Variants in PARD6B observed in about 807,000 individuals in gnomAD.
The protein encoded by PARD6B is partitioning defective 6 homolog beta.
In PARD6B, 4 loss-of-function variants were observed where a neutral mutation model predicts 10.5. The ratio of observed to expected loss-of-function variants is 0.38; its 90% CI spans 0.19 to 0.87. PARD6B has a LOEUF of 0.87. PARD6B is among the 40% of genes least tolerant of loss of function. PARD6B has a pLI of 0.41. For synonymous variants in PARD6B, 169 were observed against 170.4 expected, an observed-to-expected ratio of 0.99 and a Z score of 0.07; for missense variants, 396 against 470.6, an observed-to-expected ratio of 0.84 and a Z score of 1.47.
At chr20:50,747,511 T>TTTC (rs1276617347) in intron 2 of PARD6B, among the ~76,000 whole-genome samples, 3 of 146,074 alleles carry the variant, frequency 2.1e-5, no homozygotes, top group Admixed American at 2.0e-4. Flanking sequence ...TTTTTTTTTT[T>TTTC]TGCCTAGCCA....
chr20:50,745,760 C>T (rs2087564484), intron 2 of PARD6B, among the ~76,000 whole-genome samples: 1 of 152,142 alleles, frequency 6.6e-6, no homozygotes, highest in African/African-American at 2.4e-5. Context: ...TCTCACCTCG[C>T]CCTTCCAAAG....
rs2087492555 is a variant in PARD6B at position 50,735,092 on chromosome 20, G to A, written c.67-2765G>A. Among the ~76,000 whole-genome samples, 3 of 152,150 alleles carry A rather than the reference G, an allele frequency of 2.0e-5. No homozygotes were observed. In the South Asian group the frequency reaches 6.2e-4, roughly 32 times the overall value. On this transcript the variant is annotated intron_variant, in intron 1 of 2. Transcript: ENST00000371610. The stretch of plus-strand genomic sequence containing the variant: ...TTGAACCTGGGAGGCGGAGGTTGCA[G>A]TGAGCCGAGATTGCGCCACTGCACT...
intron 2 of PARD6B, among the ~76,000 whole-genome samples, chr20:50,749,236 G>A (rs1179695603): frequency 6.6e-5 from 10 of 151,964 alleles, no homozygotes; most frequent in Non-Finnish European, 1.2e-4. Context: ...CCAGCTACTC[G>A]GGAGGGTGAG....
Position 50,750,986 on chromosome 20 carries a change from T to TTTTTTTTTTTTTTTTTTTTTTTA in PARD6B, c.*498_*499insTTTTTTTTTTTTTTTTTTTTTTA, listed in dbSNP as rs2087604686. On this transcript the variant is annotated 3_prime_UTR_variant, in exon 3 of 3. Coordinates refer to ENST00000371610, the MANE Select transcript of PARD6B (RefSeq NM_032521.3). ...TTTTTTTTTTTTTTTTTTTTTTTTT[T>TTTTTTTTTTTTTTTTTTTTTTTA]AGTGACTGGGTCTCACTCTGTTGCC... The TTTTTTTTTTTTTTTTTTTTTTTA allele has an allele frequency of 1.7e-6, 1 of 586,752 alleles. No individual in the cohort carries two copies. The highest frequency in any genetic ancestry group is 2.1e-6 in the Non-Finnish European group (1 of 483,112). 36.3% of individuals were successfully genotyped at this position (586,752 alleles called of 1,614,324 possible).
Position 50,751,561 on chromosome 20 carries a change from A to T in PARD6B, c.*1073A>T, listed in dbSNP as rs1399858134. The T allele has an allele frequency of 1.1e-6, 1 of 909,322 alleles. No homozygotes were observed. Among genetic ancestry groups the T allele is most frequent in the East Asian group, 1.2e-4 (1 of 8,270 alleles). 56.3% of individuals were successfully genotyped at this position (909,322 alleles called of 1,614,324 possible). A position where few individuals can be genotyped will look rare whatever the true frequency, so the allele number is the denominator to read the frequency against. On this transcript the variant is annotated 3_prime_UTR_variant, in exon 3 of 3. Transcript: ENST00000371610. ...CGGGGTTTCGCAGTGTTAGCCAGGA[A>T]GGTCTCAATCTCCTGACCTCCTGAT...
In PARD6B at chr20:50,751,859, G is replaced by T. The variant is rs768642474; in HGVS notation, c.*1371G>T. ...TAAGATTACAGGTGTGCGCCAACAC[G>T]TCTGGCTTATTTTTTTGTATTTTTA... On this transcript the variant is annotated 3_prime_UTR_variant, in exon 3 of 3. Transcript: ENST00000371610. The T allele has an allele frequency of 1.0e-4, 91 of 868,942 alleles. 2 individuals are homozygous for T. In the Middle Eastern group the frequency reaches 6.5e-3, roughly 62 times the overall value. The allele number at this position is 868,942 out of a possible 1,614,324, so 53.8% of individuals were successfully genotyped here. A position where few individuals can be genotyped will look rare whatever the true frequency, so the allele number is the denominator to read the frequency against.
chr20:50,750,028 G>A lies in PARD6B; in HGVS notation c.659G>A (p.Gly220Asp), dbSNP rs1470524185. The A allele has an allele frequency of 6.2e-7, 1 of 1,614,172 alleles. No individual in the cohort carries two copies. The highest frequency in any genetic ancestry group is 2.2e-5 in the East Asian group (1 of 44,892). The change falls in exon 3 of 3, where the codon GGC becomes GAC. Residue 220 changes from glycine to aspartate, a missense_variant. By Grantham distance (94) the Gly-to-Asp change is moderately conservative. Coordinates refer to ENST00000371610, the MANE Select transcript of PARD6B (RefSeq NM_032521.3). ...AATGATGAAGTTTTAGAAGTTAATGGCATAGAAGTTTCAGGGAAGAGCCTT... is the reference window on the plus strand; with the variant it reads ...AATGATGAAGTTTTAGAAGTTAATGACATAGAAGTTTCAGGGAAGAGCCTT... ...AVNDEVLEVNGIEVSGKSLDQ... is the reference protein window; with the variant it reads ...AVNDEVLEVNDIEVSGKSLDQ...
Position 50,750,242 on chromosome 20 carries a change from C to T in PARD6B, c.873C>T (p.Ser291=), listed in dbSNP as rs781637858. The change falls in exon 3 of 3, where the codon AGC becomes AGT. Residue 291 remains serine (S), a synonymous_variant. Transcript: ENST00000371610. Reference sequence around the variant, plus strand: ...GCTTTGAGCCAGAGGATGAAGACAGCGAAGAAGATGACATTATCATTGAAG... The same window carrying T: ...GCTTTGAGCCAGAGGATGAAGACAGTGAAGAAGATGACATTATCATTGAAG... The part of the protein sequence containing the change: ...EPSFEPEDED[S]EEDDIIIEDN... 9 of 1,613,994 alleles carry T rather than the reference C, an allele frequency of 5.6e-6. No homozygotes were observed. The highest frequency in any genetic ancestry group is 1.6e-4 in the Middle Eastern group (1 of 6,084).
chr20:50,740,251 A>G (rs2087524041), intron 2 of PARD6B, among the ~76,000 whole-genome samples: 1 of 152,206 alleles, frequency 6.6e-6, no homozygotes, highest in Non-Finnish European at 1.5e-5. Context: ...CTATATATAG[A>G]GTGCTGGAAA....
At chr20:50,734,864 TG>T (rs1377659661) in intron 1 of PARD6B, among the ~76,000 whole-genome samples, 1 of 152,120 alleles carries the variant, frequency 6.6e-6, no homozygotes, top group African/African-American at 2.4e-5. Context: ...TAAACAGTAA[TG>T]TTGGCCAGGC....
At chr20:50,744,401 A>G (rs2087552823) in intron 2 of PARD6B, among the ~76,000 whole-genome samples, 1 of 151,854 alleles carries the variant, frequency 6.6e-6, no homozygotes, top group South Asian at 2.1e-4. Flanking sequence ...AGTGTGACCC[A>G]CTGCACTGCG....
Position 50,750,435 on chromosome 20 carries a change from C to T in PARD6B, c.1066C>T (p.His356Tyr). The T allele has an allele frequency of 6.2e-7, 1 of 1,614,160 alleles. No individual in the cohort carries two copies. Among genetic ancestry groups the T allele is most frequent in the South Asian group, 1.1e-5 (1 of 91,078 alleles). ...ASSSNTEFET[H>Y]APDQKLLEED... ...CAGCTCAAACACGGAATTTGAAACA[C>T]ATGCTCCAGATCAAAAACTCTTAGA... Residue 356 changes from histidine (H) to tyrosine (Y), a missense_variant, in exon 3 of 3, where the codon CAT (histidine) becomes TAT (tyrosine). His to Tyr is a moderately conservative substitution (Grantham distance 83). Around this residue, in one of 2 missense-constraint regions of PARD6B, gnomAD observed 188 missense variants for 169.7 expected, o/e 1.11. Coordinates refer to ENST00000371610, the MANE Select transcript of PARD6B (RefSeq NM_032521.3).
chr20:50,751,386 C>G lies in PARD6B; in HGVS notation c.*898C>G, dbSNP rs1250135961. The stretch of plus-strand genomic sequence containing the variant: ...TTTTTTTTTTTTTGAGATGGAGTCT[C>G]GCTCTATCGCCCAGGCTGGAGTGCA... On this transcript the variant is annotated 3_prime_UTR_variant, in exon 3 of 3. Coordinates refer to ENST00000371610, the MANE Select transcript of PARD6B (RefSeq NM_032521.3). 4 of 853,034 alleles carry G rather than the reference C, an allele frequency of 4.7e-6. No homozygotes were observed. The highest frequency in any genetic ancestry group is 9.1e-5 in the Admixed American group (1 of 10,934). 52.8% of individuals were successfully genotyped at this position (853,034 alleles called of 1,614,324 possible). A position where few individuals can be genotyped will look rare whatever the true frequency, so the allele number is the denominator to read the frequency against.
At chr20:50,739,111 A>G (rs1430747702) in intron 2 of PARD6B, among the ~76,000 whole-genome samples, 1 of 151,898 alleles carries the variant, frequency 6.6e-6, no homozygotes, top group African/African-American at 2.4e-5. Context: ...TGGTATTGGG[A>G]TAAATTAAAG....
At position 50,751,238 on chromosome 20, in the gene PARD6B, A is replaced by G. The variant is rs957274538; in HGVS notation, c.*750A>G. 9.3e-6 allele frequency: 9 copies of G among 965,946 alleles called. No individual in the cohort carries two copies. The highest frequency in any genetic ancestry group is 8.6e-6 in the Non-Finnish European group (7 of 813,504). The allele number at this position is 965,946 out of a possible 1,614,324, so 59.8% of individuals were successfully genotyped here. On this transcript the variant is annotated 3_prime_UTR_variant, in exon 3 of 3. Coordinates refer to ENST00000371610, the MANE Select transcript of PARD6B (RefSeq NM_032521.3). Reference sequence around the variant, plus strand: ...TGCCTCGGCTTCCCAAAATGCTAGGATTAGAGCCACCATGCCCAGCCTATT... The same window carrying G: ...TGCCTCGGCTTCCCAAAATGCTAGGGTTAGAGCCACCATGCCCAGCCTATT...
rs773133388 is a variant in PARD6B, at chr20:50,750,439, C to T, written c.1070C>T (p.Ala357Val). The change falls in exon 3 of 3, where the codon GCT (alanine) becomes GTT (valine). Residue 357 changes from alanine to valine, a missense_variant. By Grantham distance (64) the Ala-to-Val change is moderately conservative (BLOSUM62 0). Coordinates refer to ENST00000371610, the MANE Select transcript of PARD6B (RefSeq NM_032521.3). ...TCAAACACGGAATTTGAAACACATG[C>T]TCCAGATCAAAAACTCTTAGAAGAA... is the stretch of plus-strand genomic sequence containing the variant. The part of the protein sequence containing the change: ...SSSNTEFETH[A>V]PDQKLLEEDG... 5 of 1,613,970 alleles carry T rather than the reference C, an allele frequency of 3.1e-6. No individual in the cohort carries two copies. The Admixed American group carries it at 6.7e-5, about 22-fold the overall frequency.
intron 2 of PARD6B, among the ~76,000 whole-genome samples, chr20:50,745,216 C>T (rs903476835): frequency 3.3e-5 from 5 of 152,086 alleles, no homozygotes; most frequent in African/African-American, 4.8e-5. Context: ...GATCGCCCAA[C>T]GTCAGGAGTT....
chr20:50,749,508 AC>A (rs770582755), intron 2 of PARD6B, 150 bp from the exon 3 acceptor site: 561 of 672,374 alleles, frequency 8.3e-4, no homozygotes, highest in Non-Finnish European at 1.2e-3. Context: ...TTACTACTGT[AC>A]TAGATTATGA....
At chr20:50,731,885 G>A (rs539508931) in intron 1 of PARD6B, 33 bp downstream of exon 1, 3 of 1,391,426 alleles carry the variant, frequency 2.2e-6, no homozygotes, top group African/African-American at 3.0e-5. Context: ...GGAGCGGCGG[G>A]CCTGGGGGGC....
Sources: gnomAD v4.1 joint callset for allele counts (sites outside exome capture counted in the v4.1 genomes callset) on GRCh38, gnomAD v4.1.1 for gene constraint, gnomAD v4.1.1 regional missense constraint, MANE v1.5 for transcripts, NCBI Gene and HGNC (gene_info 2026-07-23, HGNC 2026-07-21) for gene names.